PKN2: variants seen among roughly 807,000 people sequenced by gnomAD.
PKN2 encodes the protein serine/threonine-protein kinase N2.
In PKN2, 38 loss-of-function variants were observed where a neutral mutation model predicts 119.1. That is an observed-to-expected ratio of 0.32 (90% CI 0.25 to 0.42). The LOEUF (loss-of-function observed/expected upper bound fraction) is 0.42. PKN2 is among the 10% of genes least tolerant of loss of function. PKN2 has a pLI of 1.00. For synonymous variants in PKN2, 390 were observed against 384.9 expected, an observed-to-expected ratio of 1.01 and a Z score of -0.15; for missense variants, 850 against 1,165.1, an observed-to-expected ratio of 0.73 and a Z score of 3.94.
chr1:88,704,881 C>T (rs1280790027), intron 1 of PKN2, among the ~76,000 whole-genome samples: 1 of 151,304 alleles, frequency 6.6e-6, no homozygotes, highest in Non-Finnish European at 1.5e-5. Flanking sequence ...AGATTTATAG[C>T]GACATCATAC....
At position 88,807,525 on chromosome 1, in the gene PKN2, T is replaced by G; in HGVS notation, c.1935-4T>G. On this transcript the variant is annotated splice_region_variant and splice_polypyrimidine_tract_variant and intron_variant, in intron 13 of 21. Coordinates refer to ENST00000370521, the MANE Select transcript of PKN2 (RefSeq NM_006256.4). ...TTATTATTAATTGAAATTTCTCTTT[T>G]CAGATCTCAGCAAAGGTTTCAGTTT... 1 of 1,610,388 alleles carries G rather than the reference T, an allele frequency of 6.2e-7. No individual in the cohort carries two copies.
intron 19 of PKN2, among the ~76,000 whole-genome samples, chr1:88,831,053 A>G (rs1043103632): frequency 1.3e-5 from 2 of 152,018 alleles, no homozygotes; most frequent in African/African-American, 4.8e-5. Context: ...CCAGGAATAA[A>G]CAAACATCGC....
At chr1:88,770,543 G>A in intron 4 of PKN2, 74 bp downstream of exon 4, 1 of 787,762 alleles carries the variant, frequency 1.3e-6, no homozygotes, top group Non-Finnish European at 2.2e-6. Flanking sequence ...CAGGGCAGTG[G>A]TTCAAAGTTA....
chr1:88,717,467 C>T (rs1480393071), intron 1 of PKN2, among the ~76,000 whole-genome samples: 8 of 152,098 alleles, frequency 5.3e-5, no homozygotes, highest in Non-Finnish European at 1.0e-4. Flanking sequence ...CACATAGTCT[C>T]ATATTTCTTG....
In PKN2 at chr1:88,806,146, G is replaced by T. The variant is rs1570659043; in HGVS notation, c.1803+129G>T. On this transcript the variant is annotated intron_variant, in intron 12 of 21. Coordinates refer to ENST00000370521, the MANE Select transcript of PKN2 (RefSeq NM_006256.4). ...ACTGTGAATTTATGGTTTTTTGTTTGTTTTTTGTTTTTGTTTTTGTTTTTT... is the reference window on the plus strand; with the variant it reads ...ACTGTGAATTTATGGTTTTTTGTTTTTTTTTTGTTTTTGTTTTTGTTTTTT... 3.5e-6 allele frequency: 3 copies of T among 860,052 alleles called. No individual in the cohort carries two copies. In the East Asian group the frequency reaches 7.8e-5, roughly 22 times the overall value. The allele number at this position is 860,052 out of a possible 1,614,324, so 53.3% of individuals were successfully genotyped here. A position where few individuals can be genotyped will look rare whatever the true frequency, so the allele number is the denominator to read the frequency against.
intron 2 of PKN2, among the ~76,000 whole-genome samples, chr1:88,751,823 C>G (rs1360912114): frequency 6.6e-6 from 1 of 152,110 alleles, no homozygotes; most frequent in Non-Finnish European, 1.5e-5. Flanking sequence ...ACGATTTCCC[C>G]TTTATATACA....
At chr1:88,775,155 G>T (rs1670043959) in intron 6 of PKN2, among the ~76,000 whole-genome samples, 1 of 151,964 alleles carries the variant, frequency 6.6e-6, no homozygotes, top group South Asian at 2.1e-4. Context: ...GTAGAGATGG[G>T]GTTTCTCTGT....
At chr1:88,804,248 A>G (rs1671445626) in intron 8 of PKN2, 143 bp from the exon 9 acceptor site, 3 of 631,890 alleles carry the variant, frequency 4.7e-6, no homozygotes, top group Non-Finnish European at 8.1e-6. Context: ...AAATGTTACA[A>G]ACCTCTTTAA....
chr1:88,809,078 T>C (rs1671678080), intron 15 of PKN2, among the ~76,000 whole-genome samples: 1 of 152,150 alleles, frequency 6.6e-6, no homozygotes, highest in Admixed American at 6.5e-5. Flanking sequence ...CCTCAAAAGG[T>C]TGAGATTTAT....
intron 1 of PKN2, among the ~76,000 whole-genome samples, chr1:88,719,891 A>G (rs1437654441): frequency 6.6e-6 from 1 of 152,202 alleles, no homozygotes; most frequent in African/African-American, 2.4e-5. Flanking sequence ...TGACTAAGAT[A>G]TATATAAATT....
chr1:88,760,432 A>G, intron 3 of PKN2, 56 bp downstream of exon 3: 1 of 1,012,756 alleles, frequency 9.9e-7, no homozygotes, highest in South Asian at 1.7e-5. Flanking sequence ...CAGATTCCAT[A>G]GTTATAAATT....
intron 1 of PKN2, among the ~76,000 whole-genome samples, chr1:88,720,042 GT>G (rs969683676): frequency 2.6e-5 from 4 of 152,044 alleles, no homozygotes; most frequent in Non-Finnish European, 5.9e-5. Flanking sequence ...TGTTGTTGTT[GT>G]TGTTTTTAAG....
At chr1:88,784,092 TTA>T (rs1473238788) in intron 6 of PKN2, among the ~76,000 whole-genome samples, 2 of 151,798 alleles carry the variant, frequency 1.3e-5, no homozygotes, top group African/African-American at 4.8e-5. Context: ...TTGTTTTCTT[TTA>T]TGCCCTCTAT....
chr1:88,823,145 G>A (rs1672362751), intron 17 of PKN2, among the ~76,000 whole-genome samples: 1 of 152,172 alleles, frequency 6.6e-6, no homozygotes. Context: ...CCTTGAGCCT[G>A]GGAGGTCAAG....
At chr1:88,691,618 A>G (rs1390965184) in intron 1 of PKN2, among the ~76,000 whole-genome samples, 1 of 152,140 alleles carries the variant, frequency 6.6e-6, no homozygotes, top group Non-Finnish European at 1.5e-5. Context: ...CAAGCTAGGA[A>G]CTTTAACCTA....
intron 15 of PKN2, 119 bp from the exon 16 acceptor site, chr1:88,813,438 A>C (rs1251836018): frequency 1.5e-5 from 10 of 655,388 alleles, no homozygotes; most frequent in Non-Finnish European, 2.5e-5. Flanking sequence ...GACACATGTT[A>C]GGATTTTTAA....
chr1:88,781,128 C>T (rs1268265973), intron 6 of PKN2: 5 of 1,273,218 alleles, frequency 3.9e-6, no homozygotes, highest in East Asian at 5.8e-5. Context: ...TAATAGAAGA[C>T]TACACATGAC....
intron 2 of PKN2, among the ~76,000 whole-genome samples, chr1:88,752,624 A>C (rs1175421320): frequency 6.6e-6 from 1 of 152,140 alleles, no homozygotes; most frequent in Non-Finnish European, 1.5e-5. Context: ...TTTCTGGTGA[A>C]TTGAACCTTC....
chr1:88,831,172 G>T (rs1672715414), intron 19 of PKN2, among the ~76,000 whole-genome samples: 1 of 151,756 alleles, frequency 6.6e-6, no homozygotes, highest in Non-Finnish European at 1.5e-5. Flanking sequence ...ACAGACTATT[G>T]GTTTCCTTTA....
Sources: allele counts gnomAD v4.1 joint callset (sites outside exome capture counted in the v4.1 genomes callset), GRCh38; gene constraint gnomAD v4.1.1; transcripts MANE v1.5; gene names NCBI Gene and HGNC (gene_info 2026-07-23, HGNC 2026-07-21).